Variants in SEC24B observed in about 807,000 individuals in gnomAD.
SEC24B encodes SEC24 homolog B, COPII component.
A neutral mutation model predicts 142.8 loss-of-function variants in SEC24B; 45 were observed. The observed-to-expected ratio is 0.32, with a 90% CI of 0.25 to 0.40. The LOEUF is 0.40. Ranked by LOEUF, SEC24B falls within the 10% of genes least tolerant of loss-of-function variation. The pLI is 1.00. For missense variants in SEC24B, 1,409 were observed against 1,526.8 expected, an observed-to-expected ratio of 0.92 and a Z score of 1.29; for synonymous variants, 574 against 568.2, an observed-to-expected ratio of 1.01 and a Z score of -0.15.
At chr4:109,443,812 A>G (rs77041499) in intron 1 of SEC24B, among the ~76,000 whole-genome samples, 2,273 of 152,344 alleles carry the variant, frequency 0.015, 39 homozygotes, top group African/African-American at 0.038. Flanking sequence ...AACTTCAGCT[A>G]TATCTAAAAT....
At chr4:109,484,248 A>G (rs1454099934) in intron 4 of SEC24B, among the ~76,000 whole-genome samples, 1 of 152,178 alleles carries the variant, frequency 6.6e-6, no homozygotes, top group Non-Finnish European at 1.5e-5. Context: ...TATTTTGTAA[A>G]ATGTTCCCCA....
chr4:109,458,990 A>G (rs1730988700), intron 1 of SEC24B, among the ~76,000 whole-genome samples: 2 of 152,324 alleles, frequency 1.3e-5, no homozygotes, highest in South Asian at 4.1e-4. Context: ...CTTTTCATAC[A>G]TGCTGCAGAA....
At chr4:109,461,225 G>T (rs1041101003) in intron 1 of SEC24B, among the ~76,000 whole-genome samples, 1 of 152,186 alleles carries the variant, frequency 6.6e-6, no homozygotes, top group Non-Finnish European at 1.5e-5. Flanking sequence ...CAGATTGGCA[G>T]AGATTAATAT....
chr4:109,501,595 C>A (rs62326015), intron 6 of SEC24B, among the ~76,000 whole-genome samples: 2 of 152,152 alleles, frequency 1.3e-5, no homozygotes, highest in Non-Finnish European at 1.5e-5. Context: ...CTCAGCCTCC[C>A]GAGTAACTGG....
In SEC24B at chr4:109,463,201, A is replaced by G; in HGVS notation, c.434A>G (p.His145Arg). The G allele has an allele frequency of 1.2e-6, 2 of 1,614,174 alleles. No homozygotes were observed. The highest frequency in any genetic ancestry group is 8.5e-7 in the Non-Finnish European group (1 of 1,180,036). Residue 145 changes from histidine (H) to arginine (R), a missense_variant, in exon 2 of 24, where the codon CAT (histidine) becomes CGT (arginine). Transcript: ENST00000265175. Reference protein sequence around the residue: ...QGAASSASHLHTSASQPYSSF... With the variant: ...QGAASSASHLRTSASQPYSSF... ...GCTGCATCGTCAGCATCCCATTTGC[A>G]TACGAGTGCCTCCCAACCATACTCC...
Position 109,533,703 on chromosome 4 carries a change from A to G in SEC24B, c.3588+18A>G. 7.2e-7 allele frequency: 1 copy of G among 1,393,500 alleles called. No individual in the cohort carries two copies. The highest frequency in any genetic ancestry group is 1.0e-6 in the Non-Finnish European group (1 of 996,986). The allele number at this position is 1,393,500 out of a possible 1,614,324, so 86.3% of individuals were successfully genotyped here. A position where few individuals can be genotyped will look rare whatever the true frequency, so the allele number is the denominator to read the frequency against. On this transcript the variant is annotated intron_variant, in intron 22 of 23. Coordinates refer to ENST00000265175, the MANE Select transcript of SEC24B (RefSeq NM_006323.5). Reference sequence around the variant, plus strand: ...AGAAAATGGTCAGTAGATTTTATACACCTTTAACTTTTTGTTTGCTCATTT... The same window carrying G: ...AGAAAATGGTCAGTAGATTTTATACGCCTTTAACTTTTTGTTTGCTCATTT...
chr4:109,487,446 A>T (rs1212875494), intron 4 of SEC24B, among the ~76,000 whole-genome samples: 1 of 152,166 alleles, frequency 6.6e-6, no homozygotes, highest in Non-Finnish European at 1.5e-5. Flanking sequence ...CAGGTGAGAG[A>T]TGCAGGTGGA....
rs780815682 is a variant in SEC24B, at chr4:109,516,579, A to C, written c.2065A>C (p.Asn689His). 2 of 1,613,350 alleles carry C rather than the reference A, an allele frequency of 1.2e-6. No individual in the cohort carries two copies. Among genetic ancestry groups the C allele is most frequent in the South Asian group, 2.2e-5 (2 of 90,990 alleles). Residue 689 changes from asparagine (N) to histidine (H), a missense_variant, in exon 11 of 24, where the codon AAT becomes CAT. By Grantham distance (68) the Asn-to-His change is moderately conservative (BLOSUM62 1). Around this residue, in one of 2 missense-constraint regions of SEC24B, gnomAD observed 700 missense variants for 853.3 expected, o/e 0.82. Coordinates refer to ENST00000265175, the MANE Select transcript of SEC24B (RefSeq NM_006323.5). ...VYLFVLDVSH[N>H]AVEAGYLTIL... ...CTTGTTTGTTTTAGATGTGTCTCAT[A>C]ATGCAGTGGAAGCTGGATATTTGAC...
chr4:109,467,187 G>A (rs938553879), intron 2 of SEC24B, among the ~76,000 whole-genome samples: 5 of 151,388 alleles, frequency 3.3e-5, no homozygotes, highest in African/African-American at 4.9e-5. Context: ...TTAGCCGGGC[G>A]TGGTAGCGGG....
chr4:109,446,580 G>GT (rs1161122732), intron 1 of SEC24B, among the ~76,000 whole-genome samples: 6 of 152,316 alleles, frequency 3.9e-5, no homozygotes, highest in African/African-American at 1.4e-4. Flanking sequence ...AATAGTGGCA[G>GT]TATCAAAACA....
chr4:109,446,612 C>T (rs903925988), intron 1 of SEC24B, among the ~76,000 whole-genome samples: 19 of 152,236 alleles, frequency 1.2e-4, no homozygotes, highest in African/African-American at 4.6e-4. Flanking sequence ...TAATGAAATA[C>T]GATAGATTTT....
intron 1 of SEC24B, among the ~76,000 whole-genome samples, chr4:109,454,036 T>G (rs1730412734): frequency 6.6e-6 from 1 of 152,138 alleles, no homozygotes; most frequent in South Asian, 2.1e-4. Context: ...TTTTGTATTT[T>G]TAGTAGAGAC....
intron 4 of SEC24B, among the ~76,000 whole-genome samples, chr4:109,489,595 A>G (rs1734773175): frequency 9.5e-6 from 1 of 105,558 alleles, no homozygotes; most frequent in African/African-American, 4.1e-5. Flanking sequence ...TCTTTCATAT[A>G]AATAGAATTA....
At chr4:109,536,209 T>A (rs115712246) in intron 22 of SEC24B, among the ~76,000 whole-genome samples, 82 of 152,224 alleles carry the variant, frequency 5.4e-4, no homozygotes, top group Non-Finnish European at 8.4e-4. Flanking sequence ...CTAAGTAAAA[T>A]AGTAAACCTT....
rs1561167440 is a variant in SEC24B at position 109,517,983 on chromosome 4, T to TTTA, written c.2126+1345_2126+1346insATT. On this transcript the variant is annotated intron_variant, in intron 11 of 23. Coordinates refer to ENST00000265175, the MANE Select transcript of SEC24B (RefSeq NM_006323.5). ...TATTTATTTATTTATTTATTTATTTTTTGAGACAGAGTCTCGCTCTGTTGC... is the reference window on the plus strand; with the variant it reads ...TATTTATTTATTTATTTATTTATTTTTTATTGAGACAGAGTCTCGCTCTGTTGC... Among the ~76,000 whole-genome samples the TTTA allele has an allele frequency of 1.3e-3, 189 of 141,338 alleles. 2 individuals carry two copies. The highest frequency in any genetic ancestry group is 5.1e-3 in the African/African-American group (179 of 34,924). The allele number at this position is 141,338 out of a possible 152,430, so 92.7% of individuals were successfully genotyped here. A position where few individuals can be genotyped will look rare whatever the true frequency, so the allele number is the denominator to read the frequency against.
chr4:109,529,734 G>A (rs561564454), intron 18 of SEC24B, among the ~76,000 whole-genome samples: 1 of 152,270 alleles, frequency 6.6e-6, no homozygotes, highest in South Asian at 2.1e-4. Flanking sequence ...ATCAATAGGG[G>A]CTACATGTTT....
At chr4:109,434,209 G>A (rs1204934249) in intron 1 of SEC24B, among the ~76,000 whole-genome samples, 1 of 151,622 alleles carries the variant, frequency 6.6e-6, no homozygotes, top group African/African-American at 2.4e-5. Flanking sequence ...GGCGCGCGGG[G>A]GTGGGACGCC....
At chr4:109,513,982 A>G (rs1737659399) in intron 10 of SEC24B, 126 bp downstream of exon 10, 1 of 606,364 alleles carries the variant, frequency 1.6e-6, no homozygotes, top group South Asian at 2.0e-5. Flanking sequence ...AAACAAATTA[A>G]TGCTGGAAGT....
chr4:109,461,070 A>G (rs956911339), intron 1 of SEC24B, among the ~76,000 whole-genome samples: 1 of 152,178 alleles, frequency 6.6e-6, no homozygotes, highest in Non-Finnish European at 1.5e-5. Context: ...ACATTAGGCT[A>G]ATTTTCTACT....
Sources: gnomAD v4.1 joint callset for allele counts (sites outside exome capture counted in the v4.1 genomes callset) on GRCh38, gnomAD v4.1.1 for gene constraint, gnomAD v4.1.1 regional missense constraint, MANE v1.5 for transcripts, NCBI Gene and HGNC (gene_info 2026-07-23, HGNC 2026-07-21) for gene names.